Variants in DLC1 observed in about 807,000 individuals in gnomAD.
DLC1 encodes the protein DLC1 Rho GTPase activating protein, also known as rho GTPase-activating protein 7.
DLC1 carries 54 observed loss-of-function variants against 140.3 expected under a neutral mutation model. The ratio of observed to expected loss-of-function variants is 0.38; its 90% CI spans 0.31 to 0.48. DLC1 has a LOEUF of 0.48. Ranked by LOEUF, DLC1 falls within the 20% of genes least tolerant of loss-of-function variation. The probability of loss-of-function intolerance (pLI) is 0.96; values close to 1 mark genes in which losing one functional copy is unlikely to be tolerated. For missense variants in DLC1, 2,536 were observed against 1,907.0 expected (o/e 1.33, Z -6.14); for synonymous variants, 986 against 728.1 (o/e 1.35, Z -5.70).
chr8:13,490,642 A>G (rs1243949670), intron 2 of DLC1, among the ~76,000 whole-genome samples: 8 of 152,206 alleles, frequency 5.3e-5, no homozygotes, highest in Admixed American at 3.9e-4. Flanking sequence ...AGATTAATAA[A>G]TTGGTCATGG....
At chr8:13,404,813 C>G (rs1423854874) in intron 2 of DLC1, among the ~76,000 whole-genome samples, 1 of 152,040 alleles carries the variant, frequency 6.6e-6, no homozygotes, top group African/African-American at 2.4e-5. Context: ...GCCTGGCCAA[C>G]ATGGTGAAAC....
At chr8:13,415,110 C>T (rs1336824807) in intron 2 of DLC1, among the ~76,000 whole-genome samples, 1 of 152,074 alleles carries the variant, frequency 6.6e-6, no homozygotes, top group Non-Finnish European at 1.5e-5. Context: ...CTGCGCCTGG[C>T]CCACGATGTT....
At chr8:13,237,729 C>G (rs1449804332) in intron 5 of DLC1, among the ~76,000 whole-genome samples, 1 of 152,126 alleles carries the variant, frequency 6.6e-6, no homozygotes, top group African/African-American at 2.4e-5. Flanking sequence ...GGGAGATGGT[C>G]AAGCTTTTTC....
At position 13,499,180 on chromosome 8, in the gene DLC1, C is replaced by G. The variant is rs1232216839; in HGVS notation, c.892G>C (p.Gly298Arg). The G allele has an allele frequency of 6.2e-7, 1 of 1,614,100 alleles. No individual in the cohort carries two copies. Among genetic ancestry groups the G allele is most frequent in the Non-Finnish European group, 8.5e-7 (1 of 1,180,016 alleles). The change falls in exon 2 of 18, where the codon GGT (glycine) becomes CGT (arginine). Residue 298 changes from glycine to arginine, a missense_variant. Transcript: ENST00000276297. ...CTTTTGTTTTGATGTTGTGAAAAAC[C>G]ACTCTTCTCCAGGCCATTTTCAGCT... ...MSAENGLEKS[G>R]FSQHQNKSPP...
At chr8:13,329,939 C>T (rs1344462406) in intron 4 of DLC1, among the ~76,000 whole-genome samples, 2 of 152,036 alleles carry the variant, frequency 1.3e-5, no homozygotes, top group East Asian at 1.9e-4. Flanking sequence ...AAGAACATTG[C>T]TTCATTATCC....
chr8:13,367,557 A>T (rs1304814197), intron 4 of DLC1, among the ~76,000 whole-genome samples: 2 of 152,228 alleles, frequency 1.3e-5, no homozygotes, highest in Admixed American at 6.5e-5. Flanking sequence ...AAACAAAATA[A>T]GACAAAGACG....
intron 1 of DLC1, among the ~76,000 whole-genome samples, chr8:13,575,125 A>C (rs1014776873): frequency 6.6e-6 from 1 of 152,214 alleles, no homozygotes; most frequent in African/African-American, 2.4e-5. Flanking sequence ...ACTGGCAGTC[A>C]ACTCAAATTA....
intron 5 of DLC1, among the ~76,000 whole-genome samples, chr8:13,203,656 C>G (rs1284865133): frequency 1.3e-5 from 2 of 152,194 alleles, no homozygotes; most frequent in Non-Finnish European, 2.9e-5. Flanking sequence ...CTCCCCCTCC[C>G]TCTGTGGTGT....
rs1481599 is a variant in DLC1 at position 13,556,413 on chromosome 8, T to C, written c.-126+48124A>G. On this transcript the variant is annotated intron_variant, in intron 1 of 1. Transcript: ENST00000631382. ...TCCAAAAATTCTGATTTAAAACTTA[T>C]TGGGATTCATCTGGCCACTGGGGTT... Among the ~76,000 whole-genome samples, 914 of 152,272 alleles carry C rather than the reference T, an allele frequency of 6.0e-3. 6 individuals carry two copies. The highest frequency in any genetic ancestry group is 0.01 in the Non-Finnish European group (692 of 68,012).
intron 10 of DLC1, among the ~76,000 whole-genome samples, chr8:13,097,337 C>T (rs1818590934): frequency 6.6e-6 from 1 of 151,928 alleles, no homozygotes; most frequent in African/African-American, 2.4e-5. Flanking sequence ...TCTTGGGGCT[C>T]ACTGCAACCT....
At chr8:13,585,693 G>GT (rs1380890977) in intron 1 of DLC1, among the ~76,000 whole-genome samples, 1 of 152,138 alleles carries the variant, frequency 6.6e-6, no homozygotes, top group Non-Finnish European at 1.5e-5. Flanking sequence ...GTTTCTGGTG[G>GT]TTTGCTGAAA....
chr8:13,220,136 AT>A (rs1828469642), intron 5 of DLC1, among the ~76,000 whole-genome samples: 1 of 152,164 alleles, frequency 6.6e-6, no homozygotes, highest in African/African-American at 2.4e-5. Context: ...AATATACAAA[AT>A]GCCCTTGGAT....
intron 5 of DLC1, among the ~76,000 whole-genome samples, chr8:13,194,978 C>T (rs1461934275): frequency 2.7e-5 from 4 of 150,112 alleles, no homozygotes; most frequent in African/African-American, 9.7e-5. Context: ...CCACTGCACT[C>T]CAGTGTGGGT....
chr8:13,395,652 T>C (rs901441500), intron 3 of DLC1, among the ~76,000 whole-genome samples: 7 of 152,208 alleles, frequency 4.6e-5, no homozygotes, highest in East Asian at 1.9e-4. Flanking sequence ...TGTAAAATTA[T>C]GTGATCAAAA....
At chr8:13,211,970 A>C (rs1222942713) in intron 5 of DLC1, among the ~76,000 whole-genome samples, 1 of 152,188 alleles carries the variant, frequency 6.6e-6, no homozygotes, top group Non-Finnish European at 1.5e-5. Flanking sequence ...AAAGCTGGTC[A>C]ACAACGAGGT....
Position 13,505,107 on chromosome 8 carries a change from C to T in DLC1, c.-125-4911G>A, listed in dbSNP as rs376031515. Among the ~76,000 whole-genome samples the T allele has an allele frequency of 8.5e-5, 13 of 152,106 alleles. No individual in the cohort carries two copies. In the South Asian group the frequency reaches 2.7e-3, roughly 31 times the overall value. On this transcript the variant is annotated intron_variant, in intron 1 of 17. Coordinates refer to ENST00000276297, the MANE Select transcript of DLC1 (RefSeq NM_182643.3). ...CACTAGGGATATCAATTATCAACCA[C>T]AGGAAAAATAGTTTTACAAGAAGGA...
chr8:13,579,814 A>G (rs1230142839), intron 1 of DLC1, among the ~76,000 whole-genome samples: 1 of 151,756 alleles, frequency 6.6e-6, no homozygotes, highest in African/African-American at 2.4e-5. Flanking sequence ...GGCCCTCTGC[A>G]TAGCACATTG....
chr8:13,347,518 GC>G (rs1834405244), intron 4 of DLC1, among the ~76,000 whole-genome samples: 1 of 152,172 alleles, frequency 6.6e-6, no homozygotes, highest in Non-Finnish European at 1.5e-5. Context: ...GCCACATACA[GC>G]CCATTCCATA....
At chr8:13,179,258 A>C (rs1489544355) in intron 5 of DLC1, among the ~76,000 whole-genome samples, 6 of 143,416 alleles carry the variant, frequency 4.2e-5, no homozygotes, top group Non-Finnish European at 7.6e-5. Flanking sequence ...AGGTAGTGGT[A>C]GTGACTGGGA....
Sources: gnomAD v4.1 joint callset for allele counts (sites outside exome capture counted in the v4.1 genomes callset) on GRCh38, gnomAD v4.1.1 for gene constraint, MANE v1.5 for transcripts, NCBI Gene and HGNC (gene_info 2026-07-23, HGNC 2026-07-21) for gene names.